ILDR1: variants seen among roughly 807,000 people sequenced by gnomAD.
ILDR1 encodes immunoglobulin-like domain-containing receptor 1.
A neutral mutation model predicts 62.4 loss-of-function variants in ILDR1; 56 were observed. The ratio of observed to expected loss-of-function variants is 0.90; its 90% CI spans 0.72 to 1.12. The LOEUF is 1.12. ILDR1 is among the 50% of genes most tolerant of loss of function. The probability of loss-of-function intolerance (pLI) is 0.00; values close to 1 mark genes in which losing one functional copy is unlikely to be tolerated. For missense variants in ILDR1, 736 were observed against 710.6 expected (o/e 1.04, Z -0.41); for synonymous variants, 284 against 277.8 (o/e 1.02, Z -0.22).
chr3:121,995,939 T>C (rs1401719835), intron 5 of ILDR1, among the ~76,000 whole-genome samples: 1 of 152,154 alleles, frequency 6.6e-6, no homozygotes. Flanking sequence ...CCTACACTCT[T>C]TGTGTGCCGC....
At chr3:121,991,644 C>T (rs1357416844) in intron 7 of ILDR1, among the ~76,000 whole-genome samples, 3 of 152,200 alleles carry the variant, frequency 2.0e-5, no homozygotes, top group Non-Finnish European at 4.4e-5. Flanking sequence ...TTTGTTGATC[C>T]TTGTCACTCA....
At chr3:122,046,564 C>T in the ILDR1 span, among the ~76,000 whole-genome samples, 25 of 148,198 alleles carry the variant, frequency 1.7e-4, no homozygotes, top group African/African-American at 5.2e-4. Context: ...ACCAATCAGA[C>T]GTAGATTTGG....
upstream of ILDR1, among the ~76,000 whole-genome samples, chr3:122,026,631 A>G (rs2071923655): frequency 4.6e-5 from 7 of 152,142 alleles, no homozygotes; most frequent in Admixed American, 4.6e-4. Context: ...TGAGGTTTGT[A>G]GGAGCTGCAT....
chr3:122,051,012 T>C, the ILDR1 span, among the ~76,000 whole-genome samples: 3 of 152,216 alleles, frequency 2.0e-5, no homozygotes, highest in African/African-American at 2.4e-5. Flanking sequence ...GCTAATCTTA[T>C]AGGAGTGTCC....
chr3:122,047,603 A>C, the ILDR1 span, among the ~76,000 whole-genome samples: 1 of 152,172 alleles, frequency 6.6e-6, no homozygotes, highest in Non-Finnish European at 1.5e-5. Flanking sequence ...CAGGTGTGGG[A>C]TATAATCTCG....
upstream of ILDR1, among the ~76,000 whole-genome samples, chr3:122,022,701 G>C (rs1490846519): frequency 6.6e-6 from 1 of 152,152 alleles, no homozygotes; most frequent in Non-Finnish European, 1.5e-5. Flanking sequence ...TGGATCATCC[G>C]AGGTCAGGAG....
chr3:122,060,382 G>A, the ILDR1 span, among the ~76,000 whole-genome samples: 1 of 152,106 alleles, frequency 6.6e-6, no homozygotes, highest in African/African-American at 2.4e-5. Context: ...CAGAAAGTCT[G>A]GTGATAAAAT....
At chr3:122,008,593 CTTT>C (rs10546593) in intron 1 of ILDR1, among the ~76,000 whole-genome samples, 27,810 of 78,088 alleles carry the variant, frequency 0.36, 2,496 homozygotes, top group South Asian at 0.47. Context: ...CTTTTCTTTT[CTTT>C]TTTTTTTTTT....
At chr3:122,061,589 T>C in the ILDR1 span, among the ~76,000 whole-genome samples, 1 of 152,128 alleles carries the variant, frequency 6.6e-6, no homozygotes, top group Non-Finnish European at 1.5e-5. Flanking sequence ...ATACAGATGG[T>C]GAACAACCAT....
Position 121,993,701 on chromosome 3 carries a change from G to T in ILDR1, c.1048C>A (p.His350Asn). Reference sequence around the variant, plus strand: ...GGAATTGGGGTGAGCCACTGCTGGTGCAGGGAGTCACTGGTCCTCCTTGAG... The same window carrying T: ...GGAATTGGGGTGAGCCACTGCTGGTTCAGGGAGTCACTGGTCCTCCTTGAG... ...SSSRRTSDSL[H>N]QQWLTPIPSR... Residue 350 changes from histidine (H) to asparagine (N), a missense_variant, in exon 7 of 8, where the codon CAC becomes AAC. By Grantham distance (68) the His-to-Asn change is moderately conservative. Transcript: ENST00000344209. 6.2e-7 allele frequency: 1 copy of T among 1,614,190 alleles called. No individual in the cohort carries two copies. Among genetic ancestry groups the T allele is most frequent in the South Asian group, 1.1e-5 (1 of 91,086 alleles).
At chr3:122,020,293 A>T (rs1016728055) in intron 1 of ILDR1, among the ~76,000 whole-genome samples, 2 of 152,212 alleles carry the variant, frequency 1.3e-5, no homozygotes, top group African/African-American at 4.8e-5. Flanking sequence ...GCTGTATGAG[A>T]TATGTACTAT....
Position 121,988,363 on chromosome 3 carries a change from G to A in ILDR1, c.*4C>T. The A allele has an allele frequency of 1.2e-6, 2 of 1,612,828 alleles. No homozygotes were observed. Among genetic ancestry groups the A allele is most frequent in the Non-Finnish European group, 1.7e-6 (2 of 1,178,888 alleles). On this transcript the variant is annotated 3_prime_UTR_variant, in exon 8 of 8. Coordinates refer to ENST00000344209, the MANE Select transcript of ILDR1 (RefSeq NM_001199799.2). ...AGCCACAGAAGTTGTGCTGTGCTTG[G>A]TGACTAAATGACCACACTCCTTCCA...
At chr3:122,032,461 C>A in the ILDR1 span, among the ~76,000 whole-genome samples, 1 of 152,184 alleles carries the variant, frequency 6.6e-6, no homozygotes, top group Non-Finnish European at 1.5e-5. Context: ...GAGGGTCACC[C>A]ATCCATCCAT....
At chr3:122,005,474 G>T in intron 2 of ILDR1, 81 bp from the exon 3 acceptor site, 2 of 1,490,220 alleles carry the variant, frequency 1.3e-6, no homozygotes, top group Non-Finnish European at 9.3e-7. Flanking sequence ...CTCCGGGCGT[G>T]AGACACAGTG....
chr3:122,005,462 T>A, intron 2 of ILDR1, 69 bp from the exon 3 acceptor site: 1 of 1,569,576 alleles, frequency 6.4e-7, no homozygotes, highest in South Asian at 1.1e-5. Flanking sequence ...GTTCCCTTCC[T>A]GCTCCGGGCG....
At chr3:122,049,221 C>A in the ILDR1 span, among the ~76,000 whole-genome samples, 1 of 152,008 alleles carries the variant, frequency 6.6e-6, no homozygotes. Context: ...TGGTTTCATT[C>A]CATTGTGATT....
upstream of ILDR1, among the ~76,000 whole-genome samples, chr3:122,026,085 G>A (rs1018102462): frequency 1.3e-5 from 2 of 152,178 alleles, no homozygotes; most frequent in Non-Finnish European, 1.5e-5. Flanking sequence ...AGTTTTGCTA[G>A]GCTGGTGTGT....
intron 5 of ILDR1, among the ~76,000 whole-genome samples, chr3:122,000,704 G>A (rs1045986881): frequency 6.6e-6 from 1 of 152,204 alleles, no homozygotes; most frequent in Non-Finnish European, 1.5e-5. Context: ...AGTTGCAACT[G>A]CAATTAGCAT....
At chr3:122,006,499 C>T (rs1402524995) in intron 2 of ILDR1, among the ~76,000 whole-genome samples, 1 of 152,116 alleles carries the variant, frequency 6.6e-6, no homozygotes, top group Non-Finnish European at 1.5e-5. Flanking sequence ...TGGGGGGGCA[C>T]TGGAGGGCTT....
Sources: allele counts gnomAD v4.1 joint callset (sites outside exome capture counted in the v4.1 genomes callset), GRCh38; gene constraint gnomAD v4.1.1; transcripts MANE v1.5; gene names NCBI Gene and HGNC (gene_info 2026-07-23, HGNC 2026-07-21).